Variants in KCNN2 observed in about 807,000 individuals in gnomAD.
KCNN2 encodes the protein potassium calcium-activated channel subfamily N member 2.
Under a neutral mutation model 55.5 loss-of-function variants are expected in KCNN2, and 24 were observed. That is an observed-to-expected ratio of 0.43 (90% CI 0.31 to 0.61). KCNN2 has a LOEUF of 0.61. KCNN2 is among the 20% of genes least tolerant of loss of function. The pLI, the probability that KCNN2 is intolerant of heterozygous loss-of-function variation, is 0.08. For missense variants in KCNN2, 754 were observed against 853.6 expected (o/e 0.88, Z 1.45); for synonymous variants, 431 against 336.1 (o/e 1.28, Z -3.09).
chr5:114,313,792 T>A (rs367754228), intron 2 of KCNN2, among the ~76,000 whole-genome samples: 48 of 152,272 alleles, frequency 3.2e-4, no homozygotes, highest in East Asian at 2.3e-3. Flanking sequence ...CTCCTATTAA[T>A]TTCATAGCAT....
chr5:114,286,755 T>C (rs763997363), intron 2 of KCNN2, among the ~76,000 whole-genome samples: 1 of 151,866 alleles, frequency 6.6e-6, no homozygotes, highest in Non-Finnish European at 1.5e-5. Flanking sequence ...GAGAGAAAAA[T>C]GAGTGTTTAG....
At chr5:114,450,750 T>C (rs1760636556) in intron 3 of KCNN2, among the ~76,000 whole-genome samples, 1 of 152,090 alleles carries the variant, frequency 6.6e-6, no homozygotes, top group Non-Finnish European at 1.5e-5. Flanking sequence ...TGGAAATTAG[T>C]GGAGAATTTT....
chr5:114,494,943 G>A (rs924940399), intron 7 of KCNN2, among the ~76,000 whole-genome samples: 2 of 152,058 alleles, frequency 1.3e-5, no homozygotes, highest in African/African-American at 4.8e-5. Context: ...TAGGAGGGAC[G>A]GCTTAAATAA....
rs1757450145 is a variant in KCNN2 at position 114,362,290 on chromosome 5, CCGCACCTCG to C, written c.158_166del (p.Leu53_His55del). On this transcript the variant is annotated inframe_deletion, in exon 1 of 8. Coordinates refer to ENST00000673685, the MANE Select transcript of KCNN2 (RefSeq NM_021614.4). ...GCCCCTCCCGCACCCTCACCACCACCCGCACCTCGCGCACCAGCAGCCGGCCAGCGGCGG... is the reference window on the plus strand; with the variant it reads ...GCCCCTCCCGCACCCTCACCACCACCCGCACCAGCAGCCGGCCAGCGGCGG... 1 of 187,012 alleles carries C rather than the reference CCGCACCTCG, an allele frequency of 5.3e-6. No individual in the cohort carries two copies. Among genetic ancestry groups the C allele is most frequent in the African/African-American group, 2.4e-5 (1 of 42,066 alleles). 11.6% of individuals were successfully genotyped at this position (187,012 alleles called of 1,614,324 possible).
intron 2 of KCNN2, among the ~76,000 whole-genome samples, chr5:114,257,716 C>G (rs1755012067): frequency 6.6e-6 from 1 of 152,154 alleles, no homozygotes; most frequent in Admixed American, 6.5e-5. Flanking sequence ...TGAAACTTTA[C>G]TGAATTCATT....
chr5:114,176,847 T>C (rs570853171), intron 1 of KCNN2, among the ~76,000 whole-genome samples: 1 of 152,318 alleles, frequency 6.6e-6, no homozygotes, highest in Admixed American at 6.5e-5. Context: ...ACCAAACAAA[T>C]ATTATTTGCA....
At chr5:114,162,593 G>A (rs578214762) in intron 1 of KCNN2, among the ~76,000 whole-genome samples, 52 of 152,260 alleles carry the variant, frequency 3.4e-4, no homozygotes, top group East Asian at 2.1e-3. Flanking sequence ...GTGCCCTGCC[G>A]CCAGAGTTGG....
chr5:114,477,301 G>A (rs1354967155), intron 5 of KCNN2, among the ~76,000 whole-genome samples: 1 of 152,134 alleles, frequency 6.6e-6, no homozygotes, highest in Non-Finnish European at 1.5e-5. Flanking sequence ...TGTATCTTTA[G>A]TGAACTGAAC....
intron 2 of KCNN2, among the ~76,000 whole-genome samples, chr5:114,377,664 A>G (rs1195171922): frequency 6.6e-6 from 1 of 152,188 alleles, no homozygotes; most frequent in Non-Finnish European, 1.5e-5. Context: ...CCCAGATGTC[A>G]GTGAAGAACT....
chr5:114,191,029 A>G (rs1461902217), intron 1 of KCNN2, among the ~76,000 whole-genome samples: 1 of 152,208 alleles, frequency 6.6e-6, no homozygotes, highest in African/African-American at 2.4e-5. Context: ...AGAATGGAGT[A>G]GAAATGCTCA....
intron 2 of KCNN2, among the ~76,000 whole-genome samples, chr5:114,402,258 C>G (rs1580794005): frequency 6.6e-6 from 1 of 152,226 alleles, no homozygotes; most frequent in Non-Finnish European, 1.5e-5. Context: ...ATGGGAGGAT[C>G]AGATTTCATA....
intron 3 of KCNN2, among the ~76,000 whole-genome samples, chr5:114,423,043 T>A (rs1759515984): frequency 6.6e-6 from 1 of 152,196 alleles, no homozygotes; most frequent in African/African-American, 2.4e-5. Context: ...GGTGTTCAAT[T>A]AATGCATTGT....
At chr5:114,063,996 A>G (rs1337355002) in intron 1 of KCNN2, among the ~76,000 whole-genome samples, 1 of 152,136 alleles carries the variant, frequency 6.6e-6, no homozygotes, top group Admixed American at 6.5e-5. Context: ...TTTTCTCACA[A>G]CTTATGGTGG....
At chr5:114,323,190 A>C (rs1260267171) in intron 2 of KCNN2, among the ~76,000 whole-genome samples, 1 of 152,234 alleles carries the variant, frequency 6.6e-6, no homozygotes, top group African/African-American at 2.4e-5. Flanking sequence ...AAGCTACCAT[A>C]AACAGTAAAG....
intron 1 of KCNN2, among the ~76,000 whole-genome samples, chr5:114,082,337 A>AT (rs1190803966): frequency 1.3e-5 from 2 of 152,034 alleles, no homozygotes. Context: ...AAAAAAAAAA[A>AT]AGAAAAAGAT....
intron 2 of KCNN2, among the ~76,000 whole-genome samples, chr5:114,304,769 G>T (rs2150023759): frequency 6.6e-6 from 1 of 152,300 alleles, no homozygotes; most frequent in East Asian, 1.9e-4. Context: ...CCTCAAAATT[G>T]AGAACTTTTC....
At chr5:114,281,753 A>G (rs1039443010) in intron 2 of KCNN2, among the ~76,000 whole-genome samples, 11 of 132,328 alleles carry the variant, frequency 8.3e-5, no homozygotes, top group African/African-American at 3.0e-4. Context: ...GACCTGAAGC[A>G]GGTAAAATTT....
chr5:114,417,309 T>C (rs1759335682), intron 3 of KCNN2, among the ~76,000 whole-genome samples: 1 of 152,226 alleles, frequency 6.6e-6, no homozygotes, highest in Non-Finnish European at 1.5e-5. Context: ...AGTATTCTTA[T>C]ATTTATTGTT....
intron 3 of KCNN2, among the ~76,000 whole-genome samples, chr5:114,412,650 G>A (rs969092041): frequency 4.6e-5 from 7 of 152,066 alleles, no homozygotes; most frequent in African/African-American, 1.7e-4. Flanking sequence ...TCATTTTCCT[G>A]GTCTGCCAGC....
Sources: gnomAD v4.1 joint callset for allele counts (sites outside exome capture counted in the v4.1 genomes callset) on GRCh38, gnomAD v4.1.1 for gene constraint, MANE v1.5 for transcripts, NCBI Gene and HGNC (gene_info 2026-07-23, HGNC 2026-07-21) for gene names.